Variants in SLC22A15 observed in about 807,000 individuals in gnomAD.
The protein encoded by SLC22A15 is solute carrier family 22 member 15.
In SLC22A15, 45 loss-of-function variants were observed where a neutral mutation model predicts 62.7. The ratio of observed to expected loss-of-function variants is 0.72; its 90% CI spans 0.56 to 0.92. SLC22A15 has a LOEUF of 0.92. Ranked by LOEUF, SLC22A15 falls within the 40% of genes least tolerant of loss-of-function variation. The pLI, the probability that SLC22A15 is intolerant of heterozygous loss-of-function variation, is 0.00. For missense variants in SLC22A15, 622 were observed against 665.6 expected (o/e 0.93, Z 0.72); for synonymous variants, 264 against 267.0 (o/e 0.99, Z 0.11).
rs1171616392 is a variant in SLC22A15, at chr1:116,028,548, T to A, written c.728+1526T>A. Among the ~76,000 whole-genome samples the A allele has an allele frequency of 3.3e-5, 3 of 91,884 alleles. No individual in the cohort carries two copies. In the East Asian group the frequency reaches 9.4e-4, roughly 29 times the overall value. 60.3% of individuals were successfully genotyped at this position (91,884 alleles called of 152,430 possible). ...CTTTTTTTTTTTTTTTTTTTTTTTT[T>A]AAAATATATAGTCTGAACTAGTTAC... On this transcript the variant is annotated intron_variant, in intron 5 of 11. Transcript: ENST00000369503.
chr1:116,030,449 TA>T (rs950739494), intron 5 of SLC22A15, among the ~76,000 whole-genome samples: 38 of 148,998 alleles, frequency 2.6e-4, no homozygotes, highest in Non-Finnish European at 3.7e-4. Context: ...AAATTAGATT[TA>T]AAAAAAAAAC....
At chr1:115,984,328 A>G (rs906659418) in intron 1 of SLC22A15, among the ~76,000 whole-genome samples, 1 of 152,166 alleles carries the variant, frequency 6.6e-6, no homozygotes, top group African/African-American at 2.4e-5. Context: ...TACCTGCTCA[A>G]GTATCATATT....
chr1:115,997,228 C>T (rs750205730), intron 2 of SLC22A15, among the ~76,000 whole-genome samples: 2 of 151,908 alleles, frequency 1.3e-5, no homozygotes, highest in Non-Finnish European at 1.5e-5. Context: ...AATGTGATTG[C>T]TCCAGTTTTG....
chr1:116,027,039 C>G lies in SLC22A15; in HGVS notation c.728+17C>G. The G allele has an allele frequency of 6.2e-7, 1 of 1,610,966 alleles. No individual in the cohort carries two copies. The highest frequency in any genetic ancestry group is 8.5e-7 in the Non-Finnish European group (1 of 1,178,396). On this transcript the variant is annotated intron_variant, in intron 5 of 11. Transcript: ENST00000369503. ...CTTATCTTTGTAAGTAGTTTTTCCT[C>G]TTAGAGTTTTAATTTAAAAAGCCAA...
At chr1:116,005,883 A>G (rs771111640) in intron 2 of SLC22A15, among the ~76,000 whole-genome samples, 1 of 152,172 alleles carries the variant, frequency 6.6e-6, no homozygotes, top group African/African-American at 2.4e-5. Flanking sequence ...GAATGCCTTC[A>G]ATTTCACAGT....
At chr1:115,976,766 G>T (rs1653331439) in intron 1 of SLC22A15, 52 bp downstream of exon 1, 6 of 1,395,886 alleles carry the variant, frequency 4.3e-6, no homozygotes, top group Non-Finnish European at 5.9e-6. Flanking sequence ...GCCGCCCGGC[G>T]CAGGGCTAGG....
At chr1:116,024,128 A>G (rs1656975004) in intron 4 of SLC22A15, among the ~76,000 whole-genome samples, 1 of 152,178 alleles carries the variant, frequency 6.6e-6, no homozygotes, top group African/African-American at 2.4e-5. Context: ...AAATTGAGGG[A>G]TCATTTAGTA....
intron 2 of SLC22A15, among the ~76,000 whole-genome samples, chr1:116,006,591 G>A (rs1316662995): frequency 6.6e-6 from 1 of 151,910 alleles, no homozygotes; most frequent in Non-Finnish European, 1.5e-5. Flanking sequence ...AGCCCACTGG[G>A]GTGCATCTAA....
At chr1:115,989,149 A>T (rs915176389) in intron 1 of SLC22A15, among the ~76,000 whole-genome samples, 1 of 151,636 alleles carries the variant, frequency 6.6e-6, no homozygotes, top group Non-Finnish European at 1.5e-5. Context: ...GTGTGTGTGC[A>T]TGTGCAGGAG....
At position 115,992,197 on chromosome 1, in the gene SLC22A15, A is replaced by ATAAGCAC; in HGVS notation, c.255_261dup (p.Val88Ter). On this transcript the variant is annotated frameshift_variant, in exon 2 of 12. Transcript: ENST00000369503. LOFTEE classifies it high-confidence loss of function. ...CTGACAGCCAACGGCAGTGAGATCC[A>ATAAGCAC]TAAGCACGTGCATTTCAGCAGCAGC... is the stretch of plus-strand genomic sequence containing the variant. 6.2e-7 allele frequency: 1 copy of ATAAGCAC among 1,608,234 alleles called. No homozygotes were observed. Among genetic ancestry groups the ATAAGCAC allele is most frequent in the Non-Finnish European group, 8.5e-7 (1 of 1,177,118 alleles).
At chr1:116,066,893 G>A (rs910668876) in intron 11 of SLC22A15, 126 bp from the exon 12 acceptor site, 3 of 940,152 alleles carry the variant, frequency 3.2e-6, no homozygotes, top group South Asian at 3.3e-5. Flanking sequence ...GAATATTTTA[G>A]GGGCTATTTC....
intron 9 of SLC22A15, 30 bp downstream of exon 9, chr1:116,062,912 C>A: frequency 1.2e-6 from 2 of 1,609,046 alleles, no homozygotes; most frequent in Non-Finnish European, 8.5e-7. Flanking sequence ...TCATTCTTCA[C>A]ACATTCTACA....
Position 116,068,974 on chromosome 1 carries a change from A to G in SLC22A15, c.*1866A>G, listed in dbSNP as rs1658556046. ...GAAAATTTGGAAACTATAAATTTAG[A>G]AACGTATCACCCATACGTCCAACAT... On this transcript the variant is annotated 3_prime_UTR_variant, in exon 12 of 12. Transcript: ENST00000369503. The G allele has an allele frequency of 6.6e-6, 1 of 152,216 alleles. No individual in the cohort carries two copies. The highest frequency in any genetic ancestry group is 1.5e-5 in the Non-Finnish European group (1 of 68,034). The allele number at this position is 152,216 out of a possible 1,614,324, so 9.4% of individuals were successfully genotyped here.
At chr1:116,049,599 C>T (rs1410125588) in intron 8 of SLC22A15, among the ~76,000 whole-genome samples, 1 of 152,088 alleles carries the variant, frequency 6.6e-6, no homozygotes, top group Admixed American at 6.6e-5. Context: ...ACAGCAAAGG[C>T]AGTGCTAAGA....
chr1:115,979,030 C>A (rs1187831245), intron 1 of SLC22A15, among the ~76,000 whole-genome samples: 1 of 152,130 alleles, frequency 6.6e-6, no homozygotes, highest in Admixed American at 6.6e-5. Flanking sequence ...TAATGATTAA[C>A]CCCAGCTGAG....
chr1:116,031,345 CT>C lies in SLC22A15; in HGVS notation c.729-18del. On this transcript the variant is annotated intron_variant, in intron 5 of 11. Transcript: ENST00000369503. The stretch of plus-strand genomic sequence containing the variant: ...ACGTGTACCTATATGAATATACAGG[CT>C]TTAATGACATCTCTTTCAGATTCAT... 1 of 1,587,108 alleles carries C rather than the reference CT, an allele frequency of 6.3e-7. No homozygotes were observed. Among genetic ancestry groups the C allele is most frequent in the Non-Finnish European group, 8.6e-7 (1 of 1,159,820 alleles).
chr1:116,048,419 G>A lies in SLC22A15; in HGVS notation c.1171+11031G>A, dbSNP rs573921245. Among the ~76,000 whole-genome samples, 6 of 152,308 alleles carry A rather than the reference G, an allele frequency of 3.9e-5. No individual in the cohort carries two copies. The South Asian group carries it at 1.2e-3, about 32-fold the overall frequency. On this transcript the variant is annotated intron_variant, in intron 8 of 11. Coordinates refer to ENST00000369503, the MANE Select transcript of SLC22A15 (RefSeq NM_018420.3). ...AACGCTACAAGCTAGAAGGGATTGG[G>A]GCCCTGTCTTCAGCCTCCTCAAACC...
At chr1:115,985,232 G>A (rs141644391) in intron 1 of SLC22A15, among the ~76,000 whole-genome samples, 1 of 152,248 alleles carries the variant, frequency 6.6e-6, no homozygotes, top group East Asian at 1.9e-4. Context: ...GGTATGTTTA[G>A]AAATACAGAT....
At chr1:116,009,131 G>T (rs953273006) in intron 2 of SLC22A15, among the ~76,000 whole-genome samples, 2 of 152,022 alleles carry the variant, frequency 1.3e-5, no homozygotes, top group Non-Finnish European at 2.9e-5. Context: ...TCAGAGCCCC[G>T]CAACCACCTG....
Sources: gnomAD v4.1 joint callset for allele counts (sites outside exome capture counted in the v4.1 genomes callset) on GRCh38, gnomAD v4.1.1 for gene constraint, MANE v1.5 for transcripts, NCBI Gene and HGNC (gene_info 2026-07-23, HGNC 2026-07-21) for gene names.